Variants in COL7A1 observed in about 807,000 individuals in gnomAD.
COL7A1 encodes the protein collagen alpha-1(VII) chain.
A neutral mutation model predicts 456.2 loss-of-function variants in COL7A1; 296 were observed. The observed-to-expected ratio is 0.65, with a 90% confidence interval of 0.59 to 0.71. The LOEUF is 0.71. COL7A1 is among the 30% of genes least tolerant of loss of function. The pLI, the probability that COL7A1 is intolerant of heterozygous loss-of-function variation, is 0.00. For synonymous variants in COL7A1, 1,464 were observed against 1,525.9 expected, an observed-to-expected ratio of 0.96 and a Z score of 0.95; for missense variants, 3,441 against 4,017.2, an observed-to-expected ratio of 0.86 and a Z score of 3.88.
rs2043709177 is a variant in COL7A1 at position 48,568,458 on chromosome 3, T to A, written c.7794+41A>T. On this transcript the variant is annotated intron_variant, in intron 105 of 118. Transcript: ENST00000681320. The surrounding 1 kb of genome is among the most constrained non-coding windows in gnomAD (Gnocchi z 5.2). ...GGGACCACCATGGTGACGGGGGCCC[T>A]CTGGGGACAGGGGGCCCCTGTGGGA... 6.4e-7 allele frequency: 1 copy of A among 1,571,658 alleles called. No individual in the cohort carries two copies. The highest frequency in any genetic ancestry group is 1.8e-5 in the Admixed American group (1 of 56,534).
Position 48,569,948 on chromosome 3 carries a change from A to G in COL7A1, c.7486-33T>C, listed in dbSNP as rs766633326. The G allele has an allele frequency of 6.2e-7, 1 of 1,613,742 alleles. No homozygotes were observed. The highest frequency in any genetic ancestry group is 1.1e-5 in the South Asian group (1 of 91,062). On this transcript the variant is annotated intron_variant, in intron 99 of 118. Transcript: ENST00000681320. This position sits in a 1 kb window ranked among gnomAD's most constrained non-coding sequence, Gnocchi z 4.9. Reference sequence around the variant, plus strand: ...AGAGAAGGTGACCGTGAGCTACAGGAACCAGGGCAGTGGAGGACGGAGGAG... The same window carrying G: ...AGAGAAGGTGACCGTGAGCTACAGGGACCAGGGCAGTGGAGGACGGAGGAG...
chr3:48,588,062 A>C lies in COL7A1; in HGVS notation c.2711-123T>G. The stretch of plus-strand genomic sequence containing the variant: ...TTCACCCTCCTGACTGATCTTCCTC[A>C]TCCTCACTGACCCTGCCCACTTTAC... On this transcript the variant is annotated intron_variant, in intron 21 of 118. Coordinates refer to ENST00000681320, the MANE Select transcript of COL7A1 (RefSeq NM_000094.4). This position sits in a 1 kb window ranked among gnomAD's most constrained non-coding sequence, Gnocchi z 4.6. 1 of 1,354,050 alleles carries C rather than the reference A, an allele frequency of 7.4e-7. No homozygotes were observed. The highest frequency in any genetic ancestry group is 1.0e-6 in the Non-Finnish European group (1 of 989,442). The allele number at this position is 1,354,050 out of a possible 1,614,324, so 83.9% of individuals were successfully genotyped here.
At position 48,592,474 on chromosome 3, in the gene COL7A1, G is replaced by GA. The variant is rs1559437480; in HGVS notation, c.977-8dup. ...TCCGGCCCTTCTAGGGCAGCTGGGG[G>GA]AGAGTCCCACCAGGGATTCATGGAG... On this transcript the variant is annotated splice_polypyrimidine_tract_variant and splice_region_variant and intron_variant, in intron 8 of 118. Coordinates refer to ENST00000681320, the MANE Select transcript of COL7A1 (RefSeq NM_000094.4). The surrounding 1 kb of genome is among the most constrained non-coding windows in gnomAD (Gnocchi z 7.6). The GA allele has an allele frequency of 1.2e-6, 2 of 1,613,472 alleles. No homozygotes were observed. Among genetic ancestry groups the GA allele is most frequent in the South Asian group, 2.2e-5 (2 of 91,072 alleles).
chr3:48,574,775 C>A lies in COL7A1; in HGVS notation c.6348+22G>T. On this transcript the variant is annotated intron_variant, in intron 77 of 118. Transcript: ENST00000681320. The surrounding 1 kb of genome is among the most constrained non-coding windows in gnomAD (Gnocchi z 5.0). ...CTAGTGCCATGGCAGAGGGTGGCCC[C>A]GAGCTGATTCCACACACTGACCTTA... The A allele has an allele frequency of 6.2e-7, 1 of 1,613,936 alleles. No individual in the cohort carries two copies. The highest frequency in any genetic ancestry group is 1.7e-5 in the Admixed American group (1 of 60,018).
rs1490573436 is a variant in COL7A1, at chr3:48,580,496, C to T, written c.5052+85G>A. ...TGAAGATTGGGAGGGTTTAGCATTA[C>T]AGGGTTGGGGGGTAGGATCAGGTAT... On this transcript the variant is annotated intron_variant, in intron 55 of 118. Coordinates refer to ENST00000681320, the MANE Select transcript of COL7A1 (RefSeq NM_000094.4). This position sits in a 1 kb window ranked among gnomAD's most constrained non-coding sequence, Gnocchi z 4.5. 9.2e-6 allele frequency: 14 copies of T among 1,522,718 alleles called. No homozygotes were observed. In the East Asian group the frequency reaches 3.3e-4, roughly 35 times the overall value. The allele number at this position is 1,522,718 out of a possible 1,614,324, so 94.3% of individuals were successfully genotyped here. A position where few individuals can be genotyped will look rare whatever the true frequency, so the allele number is the denominator to read the frequency against.
At chr3:48,589,131 A>T in intron 18 of COL7A1, 136 bp from the exon 19 acceptor site, 1 of 1,513,946 alleles carries the variant, frequency 6.6e-7, no homozygotes, top group Non-Finnish European at 9.1e-7. Context: ...GAGGAGGAGG[A>T]GGTCAGTGCC....
chr3:48,588,059 C>G lies in COL7A1; in HGVS notation c.2711-120G>C. The G allele has an allele frequency of 7.3e-7, 1 of 1,362,496 alleles. No homozygotes were observed. The highest frequency in any genetic ancestry group is 1.0e-6 in the Non-Finnish European group (1 of 996,798). 84.4% of individuals were successfully genotyped at this position (1,362,496 alleles called of 1,614,324 possible). On this transcript the variant is annotated intron_variant, in intron 21 of 118. Coordinates refer to ENST00000681320, the MANE Select transcript of COL7A1 (RefSeq NM_000094.4). This position sits in a 1 kb window ranked among gnomAD's most constrained non-coding sequence, Gnocchi z 4.6. ...GGGTTCACCCTCCTGACTGATCTTC[C>G]TCATCCTCACTGACCCTGCCCACTT...
At position 48,586,101 on chromosome 3, in the gene COL7A1, G is replaced by A; in HGVS notation, c.3696C>T (p.Ala1232=). Residue 1232 remains alanine (A), a synonymous_variant, in exon 28 of 119, where the codon GCC becomes GCT. Transcript: ENST00000681320. This position sits in a 1 kb window ranked among gnomAD's most constrained non-coding sequence, Gnocchi z 5.1. ...GAGTAGTGAAGGATGCCTGACACAG[G>A]GCTGTGGCCAGACCACTGACTGCCT... ...LDQAVSGLAT[A]LCQASFTTQP... 11 of 1,613,552 alleles carry A rather than the reference G, an allele frequency of 6.8e-6. No homozygotes were observed. Among genetic ancestry groups the A allele is most frequent in the Non-Finnish European group, 8.5e-6 (10 of 1,180,018 alleles).
Position 48,591,878 on chromosome 3 carries a change from A to G in COL7A1, c.1357+20T>C. 1 of 1,614,116 alleles carries G rather than the reference A, an allele frequency of 6.2e-7. No individual in the cohort carries two copies. The highest frequency in any genetic ancestry group is 8.5e-7 in the Non-Finnish European group (1 of 1,179,988). On this transcript the variant is annotated intron_variant, in intron 11 of 118. Transcript: ENST00000681320. The surrounding 1 kb of genome is among the most constrained non-coding windows in gnomAD (Gnocchi z 7.0). ...GCCATGCCCTGACCCTTGCCTGTCC[A>G]TCCCTTCCCCCGCACTGACCAGTCT...
intron 17 of COL7A1, 22 bp from the exon 18 acceptor site, chr3:48,589,492 G>A: frequency 6.2e-7 from 1 of 1,613,200 alleles, no homozygotes; most frequent in Non-Finnish European, 8.5e-7. Context: ...GATGGAGGCA[G>A]CTCCAGGGCT....
At position 48,578,466 on chromosome 3, in the gene COL7A1, G is replaced by A. The variant is rs137988302; in HGVS notation, c.5474C>T (p.Pro1825Leu). The change falls in exon 64 of 119, where the codon CCC becomes CTC. Residue 1825 changes from proline (P) to leucine (L), a missense_variant. This residue lies in a region of COL7A1 where 2,084 missense variants were observed against 2,501.3 expected (regional missense o/e 0.83). Transcript: ENST00000681320. The surrounding 1 kb of genome is among the most constrained non-coding windows in gnomAD (Gnocchi z 4.7). ...GTCTGGTCTCACCGGTAATCCAGGGGGACCAGAGGGGCCAGGGAGGCCCTG... is the reference window on the plus strand; with the variant it reads ...GTCTGGTCTCACCGGTAATCCAGGGAGACCAGAGGGGCCAGGGAGGCCCTG... ...GEQGLPGPSG[P>L]PGLPGKPGED... The A allele has an allele frequency of 6.2e-7, 1 of 1,612,940 alleles. No individual in the cohort carries two copies. The highest frequency in any genetic ancestry group is 1.7e-5 in the Admixed American group (1 of 60,012).
rs776493858 is a variant in COL7A1 at position 48,585,576 on chromosome 3, G to A, written c.3875C>T (p.Ala1292Val). Residue 1292 changes from alanine (A) to valine (V), a missense_variant, in exon 32 of 119, where the codon GCC becomes GTC. Physicochemically the swap from Ala to Val is moderately conservative, Grantham distance 64. Around this residue, in one of 3 missense-constraint regions of COL7A1, gnomAD observed 2,084 missense variants for 2,501.3 expected, o/e 0.83. Transcript: ENST00000681320. This position sits in a 1 kb window ranked among gnomAD's most constrained non-coding sequence, Gnocchi z 4.5. Reference sequence around the variant, plus strand: ...ACTCACCCTCTCGCCCTTGGCAGTGGCACTTCCAGGGGGCCCCTGGGGGCC... The same window carrying A: ...ACTCACCCTCTCGCCCTTGGCAGTGACACTTCCAGGGGGCCCCTGGGGGCC... Reference protein sequence around the residue: ...APGPQGPPGSATAKGERGFPG... With the variant: ...APGPQGPPGSVTAKGERGFPG... 2 of 1,613,846 alleles carry A rather than the reference G, an allele frequency of 1.2e-6. No homozygotes were observed. Among genetic ancestry groups the A allele is most frequent in the Non-Finnish European group, 1.7e-6 (2 of 1,180,038 alleles).
In COL7A1 at chr3:48,564,264, G is replaced by A. The variant is rs2043508971; in HGVS notation, c.*142C>T. The A allele has an allele frequency of 2.9e-6, 3 of 1,045,386 alleles. No homozygotes were observed. Among genetic ancestry groups the A allele is most frequent in the Non-Finnish European group, 4.4e-6 (3 of 684,270 alleles). The allele number at this position is 1,045,386 out of a possible 1,614,324, so 64.8% of individuals were successfully genotyped here. On this transcript the variant is annotated 3_prime_UTR_variant, in exon 119 of 119. Coordinates refer to ENST00000681320, the MANE Select transcript of COL7A1 (RefSeq NM_000094.4). The surrounding 1 kb of genome is among the most constrained non-coding windows in gnomAD (Gnocchi z 6.0). ...CACAGGGGGGAAGGCTAGACCCACG[G>A]GACCAAGTCACTGAAATAACGGACG...
chr3:48,580,536 T>C lies in COL7A1; in HGVS notation c.5052+45A>G, dbSNP rs1365677801. On this transcript the variant is annotated intron_variant, in intron 55 of 118. Coordinates refer to ENST00000681320, the MANE Select transcript of COL7A1 (RefSeq NM_000094.4). The surrounding 1 kb of genome is among the most constrained non-coding windows in gnomAD (Gnocchi z 4.5). ...GGATCAGGTATTGGGAATTGGCTGG[T>C]TGGAGGGTTAAGGTTGGGGTGAGGA... is the stretch of plus-strand genomic sequence containing the variant. The C allele has an allele frequency of 6.3e-7, 1 of 1,599,548 alleles. No homozygotes were observed. Among genetic ancestry groups the C allele is most frequent in the South Asian group, 1.1e-5 (1 of 90,318 alleles).
In COL7A1 at chr3:48,585,503, C is replaced by G; in HGVS notation, c.3894+54G>C. Reference sequence around the variant, plus strand: ...TTCTTCCTTCTCTCTTGTAAAAACCCCGAGACAGCTTTGAGGAGTGCCTCA... The same window carrying G: ...TTCTTCCTTCTCTCTTGTAAAAACCGCGAGACAGCTTTGAGGAGTGCCTCA... On this transcript the variant is annotated intron_variant, in intron 32 of 118. Coordinates refer to ENST00000681320, the MANE Select transcript of COL7A1 (RefSeq NM_000094.4). The surrounding 1 kb of genome is among the most constrained non-coding windows in gnomAD (Gnocchi z 4.5). 6.3e-7 allele frequency: 1 copy of G among 1,584,426 alleles called. No homozygotes were observed. Among genetic ancestry groups the G allele is most frequent in the South Asian group, 1.1e-5 (1 of 90,530 alleles).
chr3:48,584,627 T>C, intron 35 of COL7A1, 71 bp from the exon 36 acceptor site: 6 of 1,611,286 alleles, frequency 3.7e-6, no homozygotes, highest in Non-Finnish European at 5.1e-6. Context: ...CCCCTAGACA[T>C]GTCCAGCTAT....
chr3:48,592,985 A>C lies in COL7A1; in HGVS notation c.683-47T>G. ...ATCAGGCAGGAGGATTGGGGTGGGC[A>C]TGTATGATGCAGAGTTGGGGTCGGG... On this transcript the variant is annotated intron_variant, in intron 6 of 118. Coordinates refer to ENST00000681320, the MANE Select transcript of COL7A1 (RefSeq NM_000094.4). The surrounding 1 kb of genome is among the most constrained non-coding windows in gnomAD (Gnocchi z 7.6). The C allele has an allele frequency of 6.2e-7, 1 of 1,612,806 alleles. No individual in the cohort carries two copies. Among genetic ancestry groups the C allele is most frequent in the East Asian group, 2.2e-5 (1 of 44,860 alleles).
chr3:48,564,750 C>T lies in COL7A1; in HGVS notation c.8818+33G>A, dbSNP rs772525118. On this transcript the variant is annotated intron_variant, in intron 118 of 118. Coordinates refer to ENST00000681320, the MANE Select transcript of COL7A1 (RefSeq NM_000094.4). The surrounding 1 kb of genome is among the most constrained non-coding windows in gnomAD (Gnocchi z 6.0). ...GAACCCGATCCAGGCAGGCTCAGTG[C>T]CCAGTTCCCCACGGTGGGGGCTCAG... 1 of 1,605,158 alleles carries T rather than the reference C, an allele frequency of 6.2e-7. No homozygotes were observed. The highest frequency in any genetic ancestry group is 8.5e-7 in the Non-Finnish European group (1 of 1,174,826).
intron 37 of COL7A1, 102 bp from the exon 38 acceptor site, chr3:48,584,163 T>G (rs1329696544): frequency 1.3e-6 from 2 of 1,597,534 alleles, no homozygotes; most frequent in East Asian, 2.2e-5. Context: ...TCAAGGATTT[T>G]GGGAGAACTG....
Sources: allele counts gnomAD v4.1 joint callset, GRCh38; gene constraint gnomAD v4.1.1; regional missense constraint gnomAD v4.1.1; non-coding constraint Gnocchi (gnomAD v3.1); transcripts MANE v1.5; gene names NCBI Gene and HGNC (gene_info 2026-07-23, HGNC 2026-07-21).